The following USP15 variants were observed in gnomAD, a reference collection of about 807,000 sequenced individuals.
USP15 encodes ubiquitin carboxyl-terminal hydrolase 15.
In USP15, 18 loss-of-function variants were observed where a neutral mutation model predicts 127.1. The ratio of observed to expected loss-of-function variants is 0.14; its 90% CI spans 0.10 to 0.21. USP15 has a LOEUF of 0.21. USP15 is among the 10% of genes least tolerant of loss of function. The pLI, the probability that USP15 is intolerant of heterozygous loss-of-function variation, is 1.00. For synonymous variants in USP15, 364 were observed against 393.7 expected, an observed-to-expected ratio of 0.92 and a Z score of 0.89; for missense variants, 805 against 1,159.9, an observed-to-expected ratio of 0.69 and a Z score of 4.44.
At chr12:62,375,521 G>A (rs1030751617) in intron 8 of USP15, among the ~76,000 whole-genome samples, 2 of 152,114 alleles carry the variant, frequency 1.3e-5, no homozygotes, top group African/African-American at 4.8e-5. Context: ...CATAGACTCT[G>A]CTCTCAAGTG....
chr12:62,339,456 T>G (rs1037956580), intron 6 of USP15, among the ~76,000 whole-genome samples: 1 of 152,122 alleles, frequency 6.6e-6, no homozygotes, highest in Admixed American at 6.6e-5. Flanking sequence ...AGGGCATCCT[T>G]GTCTTGTGCT....
intron 8 of USP15, among the ~76,000 whole-genome samples, chr12:62,376,569 G>A (rs1312459387): frequency 2.0e-5 from 3 of 152,156 alleles, no homozygotes; most frequent in Non-Finnish European, 2.9e-5. Flanking sequence ...CAGGGGCATA[G>A]CTCCAAATGG....
chr12:62,388,442 T>C (rs1320513498), intron 11 of USP15, among the ~76,000 whole-genome samples: 2 of 152,162 alleles, frequency 1.3e-5, no homozygotes, highest in Non-Finnish European at 2.9e-5. Flanking sequence ...CCAATGAAGA[T>C]TTTAAATAGT....
At chr12:62,344,659 G>A (rs1333619672) in intron 6 of USP15, among the ~76,000 whole-genome samples, 3 of 152,228 alleles carry the variant, frequency 2.0e-5, no homozygotes, top group Non-Finnish European at 4.4e-5. Context: ...TGCCCTAGCA[G>A]AGGTTCTCCA....
At chr12:62,271,844 A>G (rs534860451) in intron 1 of USP15, among the ~76,000 whole-genome samples, 1 of 151,920 alleles carries the variant, frequency 6.6e-6, no homozygotes, top group Non-Finnish European at 1.5e-5. Context: ...CTTAGTTTAG[A>G]TCTAAAAAGA....
rs761482636 is a variant in USP15 at position 62,294,189 on chromosome 12, G to A, written c.100G>A (p.Asp34Asn). Residue 34 changes from aspartate (D) to asparagine (N), a missense_variant, in exon 2 of 22, where the codon GAT becomes AAT. Physicochemically the swap from Asp to Asn is conservative, Grantham distance 23. Transcript: ENST00000280377. ...LRKGDTWYLV[D>N]SRWFKQWKKY... ...TCTTTTATTTTTTAGGTACCTAGTC[G>A]ATAGTCGCTGGTTCAAACAGTGGAA... The A allele has an allele frequency of 5.6e-6, 9 of 1,612,458 alleles. No homozygotes were observed. Among genetic ancestry groups the A allele is most frequent in the South Asian group, 2.2e-5 (2 of 90,856 alleles).
At chr12:62,274,437 C>T (rs1286531102) in intron 1 of USP15, 2 of 147,498 alleles carry the variant, frequency 1.4e-5, no homozygotes, top group South Asian at 2.1e-4. Context: ...AAAAACGGTG[C>T]ATTTACTACC....
At chr12:62,275,992 C>T (rs2063480306) in intron 1 of USP15, among the ~76,000 whole-genome samples, 1 of 151,972 alleles carries the variant, frequency 6.6e-6, no homozygotes, top group African/African-American at 2.4e-5. Flanking sequence ...GATTGAAAAC[C>T]ATAGGTCTTC....
intron 6 of USP15, chr12:62,335,451 C>A: frequency 7.5e-7 from 1 of 1,338,986 alleles, no homozygotes; most frequent in Non-Finnish European, 9.5e-7. Flanking sequence ...GCTCTCTGAT[C>A]ACCTTACTAT....
chr12:62,359,380 CA>C (rs2066242371), intron 8 of USP15, among the ~76,000 whole-genome samples: 1 of 152,088 alleles, frequency 6.6e-6, no homozygotes, highest in African/African-American at 2.4e-5. Context: ...GTTAATTCCA[CA>C]ATTCATTTTT....
intron 5 of USP15, among the ~76,000 whole-genome samples, chr12:62,322,363 C>G (rs950228464): frequency 1.3e-5 from 2 of 152,066 alleles, no homozygotes; most frequent in Admixed American, 1.3e-4. Flanking sequence ...GTCTCGATCT[C>G]TTGACCTCTT....
At chr12:62,345,760 C>G (rs1407857971) in intron 6 of USP15, among the ~76,000 whole-genome samples, 1 of 152,114 alleles carries the variant, frequency 6.6e-6, no homozygotes, top group East Asian at 1.9e-4. Flanking sequence ...GGGGGCCTCA[C>G]AATCATGGCA....
chr12:62,278,780 A>T (rs532882706), intron 1 of USP15: 1 of 152,330 alleles, frequency 6.6e-6, no homozygotes, highest in Admixed American at 6.5e-5. Context: ...AGCCTACCTT[A>T]AACATGCTTA....
rs563823262 is a variant in USP15 at position 62,397,011 on chromosome 12, A to T, written c.2674+613A>T. ...AGTTTAAGTGAGTAAGTGTTGCCAG[A>T]TTGCCCCCCACCCCCCAGGATGGCT... On this transcript the variant is annotated intron_variant, in intron 20 of 21. Coordinates refer to ENST00000280377, the MANE Select transcript of USP15 (RefSeq NM_001252078.2). Among the ~76,000 whole-genome samples, 8 of 152,172 alleles carry T rather than the reference A, an allele frequency of 5.3e-5. No individual in the cohort carries two copies. The South Asian group carries it at 1.0e-3, about 20-fold the overall frequency.
intron 6 of USP15, among the ~76,000 whole-genome samples, chr12:62,330,889 G>C (rs1179017412): frequency 6.8e-6 from 1 of 146,910 alleles, no homozygotes; most frequent in Non-Finnish European, 1.5e-5. Flanking sequence ...TCACACAACT[G>C]CACTCTAGCC....
intron 3 of USP15, among the ~76,000 whole-genome samples, chr12:62,306,322 G>A (rs567639138): frequency 6.6e-6 from 1 of 152,268 alleles, no homozygotes; most frequent in Admixed American, 6.5e-5. Context: ...ATGAAAACTT[G>A]AAATGTGGCG....
At chr12:62,393,635 G>A in intron 19 of USP15, 1 of 153,634 alleles carries the variant, frequency 6.5e-6, no homozygotes, top group Non-Finnish European at 1.4e-5. Context: ...TGTTGCCCAG[G>A]CTGGAGTGCA....
In USP15 at chr12:62,335,044, T is replaced by C. The variant is rs943365441; in HGVS notation, c.683+9111T>C. 14 of 848,222 alleles carry C rather than the reference T, an allele frequency of 1.7e-5. No individual in the cohort carries two copies. In the Admixed American group the frequency reaches 3.7e-4, roughly 22 times the overall value. 52.5% of individuals were successfully genotyped at this position (848,222 alleles called of 1,614,324 possible). The stretch of plus-strand genomic sequence containing the variant: ...TAAATGGAAGTCTTACCTTTTTCTG[T>C]CTGAGGGCACGATATGTTACACCTA... On this transcript the variant is annotated intron_variant, in intron 6 of 21. Coordinates refer to ENST00000280377, the MANE Select transcript of USP15 (RefSeq NM_001252078.2).
At chr12:62,297,229 C>T (rs1202005382) in intron 2 of USP15, among the ~76,000 whole-genome samples, 1 of 152,094 alleles carries the variant, frequency 6.6e-6, no homozygotes, top group African/African-American at 2.4e-5. Flanking sequence ...CTTGCTGCAG[C>T]TGCCACAACC....
Sources: allele counts gnomAD v4.1 joint callset (sites outside exome capture counted in the v4.1 genomes callset), GRCh38; gene constraint gnomAD v4.1.1; transcripts MANE v1.5; gene names NCBI Gene and HGNC (gene_info 2026-07-23, HGNC 2026-07-21).